PLEKHB2: variants seen among roughly 807,000 people sequenced by gnomAD.
PLEKHB2 encodes pleckstrin homology domain containing B2, also known as pleckstrin homology domain-containing family B member 2.
A neutral mutation model predicts 36.5 loss-of-function variants in PLEKHB2; 31 were observed. That is an observed-to-expected ratio of 0.85 (90% CI 0.64 to 1.15). The LOEUF (loss-of-function observed/expected upper bound fraction) is 1.15. PLEKHB2 is among the 50% of genes most tolerant of loss of function. PLEKHB2 has a pLI of 0.00. For synonymous variants in PLEKHB2, 119 were observed against 112.0 expected, an observed-to-expected ratio of 1.06 and a Z score of -0.39; for missense variants, 262 against 295.3, an observed-to-expected ratio of 0.89 and a Z score of 0.83.
intron 1 of PLEKHB2, among the ~76,000 whole-genome samples, chr2:131,112,281 G>A (rs1011847463): frequency 2.6e-5 from 4 of 152,218 alleles, no homozygotes; most frequent in Non-Finnish European, 5.9e-5. Context: ...GGAGGTTCCT[G>A]GAGGGAGGGT....
intron 6 of PLEKHB2, among the ~76,000 whole-genome samples, chr2:131,133,691 C>T (rs963704800): frequency 6.6e-6 from 1 of 152,198 alleles, no homozygotes; most frequent in African/African-American, 2.4e-5. Flanking sequence ...TGCTGTGACA[C>T]CCTTTAATAG....
At chr2:131,116,850 G>A (rs1285195692) in intron 1 of PLEKHB2, among the ~76,000 whole-genome samples, 1 of 152,186 alleles carries the variant, frequency 6.6e-6, no homozygotes, top group African/African-American at 2.4e-5. Context: ...TATCGGCCAG[G>A]CACAGTGGCT....
chr2:131,121,121 G>C lies in PLEKHB2; in HGVS notation c.37+143G>C, dbSNP rs530800621. 4 of 736,290 alleles carry C rather than the reference G, an allele frequency of 5.4e-6. No homozygotes were observed. In the African/African-American group the frequency reaches 7.1e-5, roughly 13 times the overall value. The allele number at this position is 736,290 out of a possible 1,614,324, so 45.6% of individuals were successfully genotyped here. A position where few individuals can be genotyped will look rare whatever the true frequency, so the allele number is the denominator to read the frequency against. On this transcript the variant is annotated intron_variant, in intron 2 of 7. Coordinates refer to ENST00000693505, the MANE Select transcript of PLEKHB2 (RefSeq NM_001100623.2). ...TTGAGTTTCCCCTTGGACATTCCTA[G>C]ATCTCTGTGAACTGTCTTGCACACC...
chr2:131,118,653 C>T (rs1696125176), intron 1 of PLEKHB2, among the ~76,000 whole-genome samples: 1 of 150,528 alleles, frequency 6.6e-6, no homozygotes, highest in African/African-American at 2.4e-5. Flanking sequence ...ATCACGAGGT[C>T]AGGAGATCGA....
chr2:131,134,288 G>T (rs1698017035), intron 6 of PLEKHB2, among the ~76,000 whole-genome samples: 1 of 152,084 alleles, frequency 6.6e-6, no homozygotes, highest in African/African-American at 2.4e-5. Flanking sequence ...CCGGGTTCAA[G>T]CGGTTCTCCT....
chr2:131,148,910 G>C lies in PLEKHB2; in HGVS notation c.*2137G>C, dbSNP rs889241915. ...ATTAACAGTTTTTCATGTTGCACTGGTGGTAATTTTGAACTTGGAATTACT... is the reference window on the plus strand; with the variant it reads ...ATTAACAGTTTTTCATGTTGCACTGCTGGTAATTTTGAACTTGGAATTACT... On this transcript the variant is annotated 3_prime_UTR_variant, in exon 8 of 8. Coordinates refer to ENST00000693505, the MANE Select transcript of PLEKHB2 (RefSeq NM_001100623.2). 2 of 152,180 alleles carry C rather than the reference G, an allele frequency of 1.3e-5. No homozygotes were observed. Among genetic ancestry groups the C allele is most frequent in the African/African-American group, 4.8e-5 (2 of 41,436 alleles). 9.4% of individuals were successfully genotyped at this position (152,180 alleles called of 1,614,324 possible).
intron 7 of PLEKHB2, among the ~76,000 whole-genome samples, chr2:131,145,919 A>C (rs1401910156): frequency 6.6e-6 from 1 of 151,700 alleles, no homozygotes; most frequent in East Asian, 2.0e-4. Context: ...GTGGTGGCTC[A>C]TGCCTGTAAT....
chr2:131,143,292 C>G (rs761305771), intron 7 of PLEKHB2, among the ~76,000 whole-genome samples: 2 of 152,190 alleles, frequency 1.3e-5, no homozygotes, highest in African/African-American at 4.8e-5. Flanking sequence ...AAGGCATAGA[C>G]ATTTTTGACG....
chr2:131,116,864 G>T (rs772904198), intron 1 of PLEKHB2, among the ~76,000 whole-genome samples: 3 of 152,186 alleles, frequency 2.0e-5, no homozygotes, highest in Non-Finnish European at 4.4e-5. Context: ...AGTGGCTCAT[G>T]CCTGTAATCC....
chr2:131,132,459 C>T (rs1697808003), intron 5 of PLEKHB2, among the ~76,000 whole-genome samples: 1 of 152,002 alleles, frequency 6.6e-6, no homozygotes, highest in African/African-American at 2.4e-5. Context: ...AGCACCATGC[C>T]CAGTTAATTT....
chr2:131,118,688 AC>A (rs916694010), intron 1 of PLEKHB2, among the ~76,000 whole-genome samples: 4 of 151,462 alleles, frequency 2.6e-5, no homozygotes, highest in African/African-American at 9.7e-5. Context: ...ACATGGTGAA[AC>A]CCCGTCTTTA....
chr2:131,147,015 A>G lies in PLEKHB2; in HGVS notation c.*242A>G. The G allele has an allele frequency of 2.8e-6, 1 of 351,800 alleles. No homozygotes were observed. Among genetic ancestry groups the G allele is most frequent in the Non-Finnish European group, 5.1e-6 (1 of 197,032 alleles). The allele number at this position is 351,800 out of a possible 1,614,324, so 21.8% of individuals were successfully genotyped here. A position where few individuals can be genotyped will look rare whatever the true frequency, so the allele number is the denominator to read the frequency against. ...CTCATTCCAAGACTGTTCTTGTGCA[A>G]CTCTCAGAATACCTTATTTGAGCAT... On this transcript the variant is annotated 3_prime_UTR_variant, in exon 8 of 8. Coordinates refer to ENST00000693505, the MANE Select transcript of PLEKHB2 (RefSeq NM_001100623.2).
In PLEKHB2 at chr2:131,120,979, G is replaced by A. The variant is rs201784004; in HGVS notation, c.37+1G>A. The A allele has an allele frequency of 2.8e-5, 45 of 1,613,970 alleles. No homozygotes were observed. Among genetic ancestry groups the A allele is most frequent in the Non-Finnish European group, 2.1e-5 (25 of 1,179,898 alleles). Reference sequence around the variant, plus strand: ...AAGAGTGGCTGGTTGCTGCGACAGAGTGAGTACAGGATGTGCGGTCTGCGA... The same window carrying A: ...AAGAGTGGCTGGTTGCTGCGACAGAATGAGTACAGGATGTGCGGTCTGCGA... On this transcript the variant is annotated splice_donor_variant, in intron 2 of 7. Transcript: ENST00000693505. LOFTEE classifies it high-confidence loss of function.
At chr2:131,142,878 C>A (rs1481676297) in intron 7 of PLEKHB2, among the ~76,000 whole-genome samples, 4 of 151,728 alleles carry the variant, frequency 2.6e-5, no homozygotes, top group Non-Finnish European at 5.9e-5. Flanking sequence ...CTTTTTTTCT[C>A]CCCCCCAACT....
chr2:131,134,479 G>A (rs1170371669), intron 6 of PLEKHB2, among the ~76,000 whole-genome samples: 2 of 152,088 alleles, frequency 1.3e-5, no homozygotes, highest in Non-Finnish European at 2.9e-5. Context: ...TAATTATTCT[G>A]TATTAATTTT....
At chr2:131,144,402 T>G in intron 7 of PLEKHB2, 1 of 1,224,632 alleles carries the variant, frequency 8.2e-7, no homozygotes, top group Non-Finnish European at 1.0e-6. Context: ...TATTTCTGTC[T>G]TGTAGAGACC....
intron 5 of PLEKHB2, among the ~76,000 whole-genome samples, chr2:131,132,611 C>G (rs968461042): frequency 6.6e-6 from 1 of 152,106 alleles, no homozygotes; most frequent in Non-Finnish European, 1.5e-5. Flanking sequence ...GATGTAACAT[C>G]TTTTAAAAGG....
chr2:131,108,096 AT>A (rs1000467371), intron 1 of PLEKHB2: 1 of 152,190 alleles, frequency 6.6e-6, no homozygotes, highest in African/African-American at 2.4e-5. Context: ...GAGGTTTAGA[AT>A]TTTGCTGAAG....
In PLEKHB2 at chr2:131,148,612, A is replaced by G. The variant is rs532451329; in HGVS notation, c.*1839A>G. 1 of 152,264 alleles carries G rather than the reference A, an allele frequency of 6.6e-6. No individual in the cohort carries two copies. Among genetic ancestry groups the G allele is most frequent in the Non-Finnish European group, 1.5e-5 (1 of 68,050 alleles). 9.4% of individuals were successfully genotyped at this position (152,264 alleles called of 1,614,324 possible). ...CTGAGGCCAACTTAGGCCAACCTAC[A>G]TAGGACTCCATCTTTAGCGAGACAC... On this transcript the variant is annotated 3_prime_UTR_variant, in exon 8 of 8. Transcript: ENST00000693505.
Sources: gnomAD v4.1 joint callset for allele counts (sites outside exome capture counted in the v4.1 genomes callset) on GRCh38, gnomAD v4.1.1 for gene constraint, MANE v1.5 for transcripts, NCBI Gene and HGNC (gene_info 2026-07-23, HGNC 2026-07-21) for gene names.